The following CNTN5 variants were observed in gnomAD, a reference collection of about 807,000 sequenced individuals.
The protein encoded by CNTN5 is contactin 5, also known as contactin-5.
A neutral mutation model predicts 129.1 loss-of-function variants in CNTN5; 77 were observed. The ratio of observed to expected loss-of-function variants is 0.60; its 90% CI spans 0.50 to 0.72. The LOEUF (loss-of-function observed/expected upper bound fraction) is 0.72, where lower values mean the gene tolerates loss of function less well. Ranked by LOEUF, CNTN5 falls within the 30% of genes least tolerant of loss-of-function variation. CNTN5 has a pLI of 0.00. For missense variants in CNTN5, 1,478 were observed against 1,328.8 expected (o/e 1.11, Z -1.75); for synonymous variants, 509 against 465.6 (o/e 1.09, Z -1.20).
chr11:99,774,104 A>AT (rs1205877495), intron 3 of CNTN5, among the ~76,000 whole-genome samples: 1 of 151,716 alleles, frequency 6.6e-6, no homozygotes, highest in Non-Finnish European at 1.5e-5. Context: ...CTTCCTTGAC[A>AT]TTTTTTCCAA....
At chr11:99,198,954 T>C (rs1007058603) in intron 1 of CNTN5, among the ~76,000 whole-genome samples, 8 of 152,068 alleles carry the variant, frequency 5.3e-5, no homozygotes, top group Non-Finnish European at 1.0e-4. Context: ...GCGTAATAAA[T>C]GTTTAATAGA....
At chr11:100,261,830 A>G (rs12283316) in intron 17 of CNTN5, among the ~76,000 whole-genome samples, 3,469 of 152,282 alleles carry the variant, frequency 0.023, 119 homozygotes, top group African/African-American at 0.077. Flanking sequence ...CGTAAGACCT[A>G]AAACCATAAA....
chr11:99,517,861 G>T (rs1196916538), intron 2 of CNTN5, among the ~76,000 whole-genome samples: 4 of 152,068 alleles, frequency 2.6e-5, no homozygotes, highest in Admixed American at 2.0e-4. Context: ...TAAGTTTAGG[G>T]TTAGGACAGG....
chr11:99,967,062 T>C (rs1951113881), intron 8 of CNTN5, among the ~76,000 whole-genome samples: 1 of 152,142 alleles, frequency 6.6e-6, no homozygotes, highest in Non-Finnish European at 1.5e-5. Flanking sequence ...TATCTGAGTT[T>C]AGTTTTGAAG....
chr11:99,446,465 C>CT (rs1944076309), intron 2 of CNTN5, among the ~76,000 whole-genome samples: 2 of 152,120 alleles, frequency 1.3e-5, no homozygotes, highest in African/African-American at 2.4e-5. Flanking sequence ...TTTATTATGA[C>CT]TTTTACCTGC....
intron 8 of CNTN5, among the ~76,000 whole-genome samples, chr11:99,993,425 T>C (rs7109701): frequency 0.38 from 57,408 of 151,900 alleles, 12,344 homozygotes; most frequent in African/African-American, 0.59. Context: ...CAGTGGGTGG[T>C]TCCCAACCAT....
chr11:100,082,529 C>T (rs1024552140), intron 13 of CNTN5, among the ~76,000 whole-genome samples: 1 of 152,094 alleles, frequency 6.6e-6, no homozygotes, highest in Non-Finnish European at 1.5e-5. Flanking sequence ...TGGGCTTAAG[C>T]ACTCCTCCCA....
chr11:99,411,529 T>TA (rs1413028583), intron 2 of CNTN5, among the ~76,000 whole-genome samples: 17 of 150,992 alleles, frequency 1.1e-4, no homozygotes, highest in African/African-American at 4.1e-4. Context: ...CAAAAATAAA[T>TA]AAATAAATAC....
rs1591190555 is a variant in CNTN5, at chr11:99,793,073, T to G, written c.56-26471T>G. 2.0e-5 allele frequency among the ~76,000 whole-genome samples: 3 copies of G among 152,118 alleles called. No individual in the cohort carries two copies. The Middle Eastern group carries it at 0.01, about 517-fold the overall frequency. On this transcript the variant is annotated intron_variant, in intron 3 of 24. Coordinates refer to ENST00000524871, the MANE Select transcript of CNTN5 (RefSeq NM_014361.4). ...GTCTATCTATCTTATTAATTTTTTTTTTTTTCGACACAGTCTCACTCTGTC... is the reference window on the plus strand; with the variant it reads ...GTCTATCTATCTTATTAATTTTTTTGTTTTTCGACACAGTCTCACTCTGTC...
At chr11:100,017,989 G>T (rs549516877) in intron 9 of CNTN5, among the ~76,000 whole-genome samples, 1 of 151,830 alleles carries the variant, frequency 6.6e-6, no homozygotes, top group Non-Finnish European at 1.5e-5. Flanking sequence ...CTTTTGTTTG[G>T]GGGGGTAAAA....
At chr11:99,305,262 AGTAAAGT>A (rs1361968235) in intron 1 of CNTN5, among the ~76,000 whole-genome samples, 2 of 152,240 alleles carry the variant, frequency 1.3e-5, no homozygotes, top group Non-Finnish European at 1.5e-5. Flanking sequence ...TAAATCACTC[AGTAAAGT>A]GTAAAGTGTC....
chr11:99,144,164 T>C (rs1246461900), intron 1 of CNTN5, among the ~76,000 whole-genome samples: 1 of 152,224 alleles, frequency 6.6e-6, no homozygotes, highest in East Asian at 1.9e-4. Flanking sequence ...ATCTTTTTCA[T>C]TTCAGGGACT....
chr11:99,059,389 C>T (rs1393880849), intron 1 of CNTN5, among the ~76,000 whole-genome samples: 1 of 152,082 alleles, frequency 6.6e-6, no homozygotes, highest in Non-Finnish European at 1.5e-5. Context: ...TGCTCTATGA[C>T]CCTCCTAGTG....
chr11:99,146,852 G>A (rs1859807859), intron 1 of CNTN5, among the ~76,000 whole-genome samples: 1 of 152,018 alleles, frequency 6.6e-6, no homozygotes, highest in Non-Finnish European at 1.5e-5. Flanking sequence ...CTCCCAAGCA[G>A]CTGAGACTAC....
intron 1 of CNTN5, among the ~76,000 whole-genome samples, chr11:99,270,516 A>G (rs575317177): frequency 1.3e-5 from 2 of 151,930 alleles, no homozygotes; most frequent in African/African-American, 2.4e-5. Context: ...AGAATTGGGA[A>G]TATAACTTTG....
At chr11:99,054,382 C>T (rs1278028986) in intron 1 of CNTN5, among the ~76,000 whole-genome samples, 1 of 151,974 alleles carries the variant, frequency 6.6e-6, no homozygotes, top group African/African-American at 2.4e-5. Context: ...GCTGATTCAG[C>T]GGGCCTTACT....
intron 3 of CNTN5, among the ~76,000 whole-genome samples, chr11:99,777,066 T>C (rs537020084): frequency 9.9e-5 from 15 of 152,064 alleles, no homozygotes; most frequent in African/African-American, 3.6e-4. Context: ...ACAGCAAATA[T>C]TCTACTTCCC....
intron 3 of CNTN5, among the ~76,000 whole-genome samples, chr11:99,584,839 C>G (rs906135124): frequency 6.6e-6 from 1 of 152,186 alleles, no homozygotes; most frequent in Non-Finnish European, 1.5e-5. Flanking sequence ...AAAGAAAGAA[C>G]AACAGACAAA....
At chr11:99,112,947 A>C (rs577712120) in intron 1 of CNTN5, among the ~76,000 whole-genome samples, 1 of 152,098 alleles carries the variant, frequency 6.6e-6, no homozygotes, top group South Asian at 2.1e-4. Context: ...CGTTACAGTG[A>C]GGTGAGATTT....
Sources: gnomAD v4.1 joint callset for allele counts (sites outside exome capture counted in the v4.1 genomes callset) on GRCh38, gnomAD v4.1.1 for gene constraint, MANE v1.5 for transcripts, NCBI Gene and HGNC (gene_info 2026-07-23, HGNC 2026-07-21) for gene names.